The following SEMA3C variants were observed in gnomAD, a reference collection of about 807,000 sequenced individuals.
SEMA3C encodes semaphorin-3C.
In SEMA3C, 47 loss-of-function variants were observed where a neutral mutation model predicts 89.4. The observed-to-expected ratio is 0.53, with a 90% CI of 0.42 to 0.67. The LOEUF (loss-of-function observed/expected upper bound fraction) is 0.67. SEMA3C is among the 30% of genes least tolerant of loss of function. The probability of loss-of-function intolerance (pLI) is 0.00; values close to 1 mark genes in which losing one functional copy is unlikely to be tolerated. For missense variants in SEMA3C, 839 were observed against 929.1 expected, an observed-to-expected ratio of 0.90 and a Z score of 1.26; for synonymous variants, 310 against 320.2, an observed-to-expected ratio of 0.97 and a Z score of 0.34.
At chr7:80,875,101 C>CAAA (rs5885201) in intron 2 of SEMA3C, among the ~76,000 whole-genome samples, 3 of 144,000 alleles carry the variant, frequency 2.1e-5, no homozygotes, top group Non-Finnish European at 1.5e-5. Context: ...AAAACAAAAC[C>CAAA]AAAAAAAAAA....
At chr7:80,874,447 G>GTTAGTTATTTATTTAT (rs71520708) in intron 2 of SEMA3C, among the ~76,000 whole-genome samples, 10 of 146,616 alleles carry the variant, frequency 6.8e-5, no homozygotes, top group East Asian at 6.2e-4. Flanking sequence ...ACCATAGCAA[G>GTTAGTTATTTATTTAT]TTATTTATTT....
At chr7:80,768,124 CA>C (rs1428460449) in intron 12 of SEMA3C, among the ~76,000 whole-genome samples, 1 of 152,074 alleles carries the variant, frequency 6.6e-6, no homozygotes, top group African/African-American at 2.4e-5. Flanking sequence ...AAGCCACACT[CA>C]AAAAAAGTGA....
At chr7:80,866,047 G>T (rs927900918) in intron 2 of SEMA3C, among the ~76,000 whole-genome samples, 1 of 152,078 alleles carries the variant, frequency 6.6e-6, no homozygotes, top group Non-Finnish European at 1.5e-5. Flanking sequence ...AATAAGCATC[G>T]TTTAAATAAC....
intron 7 of SEMA3C, among the ~76,000 whole-genome samples, chr7:80,804,730 A>G (rs1789295995): frequency 6.6e-6 from 1 of 152,140 alleles, no homozygotes; most frequent in Non-Finnish European, 1.5e-5. Context: ...GGAGACATAC[A>G]GGGTTTCCTT....
rs933890476 is a variant in SEMA3C, at chr7:80,858,747, G to T, written c.104-30002C>A. The stretch of plus-strand genomic sequence containing the variant: ...CATTCAAAATGCATACATATTAGAG[G>T]CCATGCTTTTCACATCCTCCTTTGT... On this transcript the variant is annotated intron_variant, in intron 2 of 17. Coordinates refer to ENST00000265361, the MANE Select transcript of SEMA3C (RefSeq NM_006379.5). Among the ~76,000 whole-genome samples, 5 of 152,070 alleles carry T rather than the reference G, an allele frequency of 3.3e-5. No homozygotes were observed. The South Asian group carries it at 6.2e-4, about 19-fold the overall frequency.
rs898507061 is a variant in SEMA3C, at chr7:80,747,595, A to T, written c.1842+1303T>A. Among the ~76,000 whole-genome samples the T allele has an allele frequency of 1.5e-4, 23 of 152,184 alleles. 1 individual carries two copies. Among genetic ancestry groups the T allele is most frequent in the Non-Finnish European group, 3.1e-4 (21 of 68,014 alleles). ...TCTAATGCAGCTTGCTCTGCAAGGT[A>T]ATTATTATAATCCATATCCATTCAA... On this transcript the variant is annotated intron_variant, in intron 17 of 17. Transcript: ENST00000265361.
Position 80,835,287 on chromosome 7 carries a change from T to C in SEMA3C, c.104-6542A>G, listed in dbSNP as rs528863793. On this transcript the variant is annotated intron_variant, in intron 2 of 17. Coordinates refer to ENST00000265361, the MANE Select transcript of SEMA3C (RefSeq NM_006379.5). ...AATAAGAGGATAGAAATAACGAAGA[T>C]ACCATGTCCTAATTACTATTTCACT... Among the ~76,000 whole-genome samples, 6 of 152,284 alleles carry C rather than the reference T, an allele frequency of 3.9e-5. No homozygotes were observed. The South Asian group carries it at 8.3e-4, about 21-fold the overall frequency.
chr7:80,896,312 G>A (rs1171229428), intron 2 of SEMA3C, among the ~76,000 whole-genome samples: 3 of 152,104 alleles, frequency 2.0e-5, no homozygotes, highest in Non-Finnish European at 4.4e-5. Flanking sequence ...AACCATTTGT[G>A]TTAAATCACA....
At chr7:80,798,897 G>A (rs1394789273) in intron 10 of SEMA3C, among the ~76,000 whole-genome samples, 1 of 152,068 alleles carries the variant, frequency 6.6e-6, no homozygotes, top group Non-Finnish European at 1.5e-5. Flanking sequence ...GTATTTCTCT[G>A]ACTCACATAT....
At chr7:80,889,925 C>A (rs1299080551) in intron 2 of SEMA3C, among the ~76,000 whole-genome samples, 1 of 152,020 alleles carries the variant, frequency 6.6e-6, no homozygotes, top group Non-Finnish European at 1.5e-5. Context: ...GCAAATTAGT[C>A]AAACTATTGT....
chr7:80,861,707 C>T (rs1048114896), intron 2 of SEMA3C, among the ~76,000 whole-genome samples: 5 of 152,108 alleles, frequency 3.3e-5, no homozygotes, highest in Non-Finnish European at 5.9e-5. Context: ...CTTCACCAAC[C>T]ATTGTACTAG....
chr7:80,918,737 G>C (rs960027451), intron 1 of SEMA3C, 91 bp downstream of exon 1: 10 of 773,138 alleles, frequency 1.3e-5, no homozygotes, highest in Non-Finnish European at 1.1e-5. Flanking sequence ...GTCCAGGCTT[G>C]AGCATACCAA....
intron 2 of SEMA3C, among the ~76,000 whole-genome samples, chr7:80,849,147 G>A (rs1057220241): frequency 6.6e-6 from 1 of 152,128 alleles, no homozygotes; most frequent in Non-Finnish European, 1.5e-5. Context: ...ATTCTACCAT[G>A]AGTGGATAAT....
intron 12 of SEMA3C, among the ~76,000 whole-genome samples, chr7:80,774,415 T>C (rs1485867556): frequency 6.6e-6 from 1 of 152,116 alleles, no homozygotes; most frequent in East Asian, 1.9e-4. Context: ...GTTATTATAA[T>C]TAGTATAAAA....
At chr7:80,858,612 T>C (rs1016922118) in intron 2 of SEMA3C, among the ~76,000 whole-genome samples, 8 of 152,216 alleles carry the variant, frequency 5.3e-5, no homozygotes, top group Admixed American at 1.3e-4. Flanking sequence ...ATTAGTTTTG[T>C]GTGTTTACAA....
At chr7:80,874,723 CT>C (rs1382107163) in intron 2 of SEMA3C, among the ~76,000 whole-genome samples, 1 of 152,032 alleles carries the variant, frequency 6.6e-6, no homozygotes, top group Non-Finnish European at 1.5e-5. Context: ...CCACCTCGGC[CT>C]CCCAAAGTGC....
chr7:80,778,414 T>C (rs901290478), intron 12 of SEMA3C, among the ~76,000 whole-genome samples: 1 of 152,198 alleles, frequency 6.6e-6, no homozygotes, highest in Non-Finnish European at 1.5e-5. Flanking sequence ...TTTAATCCTT[T>C]ACTGTTTGGG....
chr7:80,798,636 T>C (rs887369392), intron 10 of SEMA3C, among the ~76,000 whole-genome samples: 2 of 152,242 alleles, frequency 1.3e-5, no homozygotes, highest in South Asian at 4.1e-4. Flanking sequence ...ATCTCATTAA[T>C]AATTGAACAC....
chr7:80,749,954 T>G (rs915722714), intron 16 of SEMA3C, among the ~76,000 whole-genome samples: 1 of 152,160 alleles, frequency 6.6e-6, no homozygotes, highest in Admixed American at 6.6e-5. Flanking sequence ...TGATACACTT[T>G]TATAAAATAG....
Sources: gnomAD v4.1 joint callset for allele counts (sites outside exome capture counted in the v4.1 genomes callset) on GRCh38, gnomAD v4.1.1 for gene constraint, MANE v1.5 for transcripts, NCBI Gene and HGNC (gene_info 2026-07-23, HGNC 2026-07-21) for gene names.